The following GABRB1 variants were observed in gnomAD, a reference collection of about 807,000 sequenced individuals.
The protein encoded by GABRB1 is gamma-aminobutyric acid type A receptor subunit beta1.
GABRB1 carries 17 observed loss-of-function variants against 51.6 expected under a neutral mutation model. The ratio of observed to expected loss-of-function variants is 0.33; its 90% CI spans 0.23 to 0.49. The LOEUF is 0.49. GABRB1 is among the 20% of genes least tolerant of loss of function. The pLI is 0.99. For missense variants in GABRB1, 410 were observed against 600.6 expected (o/e 0.68, Z 3.32); for synonymous variants, 247 against 218.9 (o/e 1.13, Z -1.14).
intron 4 of GABRB1, among the ~76,000 whole-genome samples, chr4:47,197,571 T>C (rs145646881): frequency 1.5e-3 from 225 of 152,338 alleles, no homozygotes; most frequent in African/African-American, 5.1e-3. Flanking sequence ...AAGCAGCTTC[T>C]GGATTCATAA....
chr4:47,128,416 C>A (rs1335109456), intron 3 of GABRB1, among the ~76,000 whole-genome samples: 1 of 151,718 alleles, frequency 6.6e-6, no homozygotes, highest in Admixed American at 6.6e-5. Flanking sequence ...AAAACCTCTA[C>A]CTAGATTCAT....
chr4:47,371,085 T>TCCCCCCCCCCCCCCCCCCC (rs59604624), intron 5 of GABRB1, among the ~76,000 whole-genome samples: 1 of 129,632 alleles, frequency 7.7e-6, no homozygotes, highest in Non-Finnish European at 1.6e-5. Flanking sequence ...ATGCTCTCCC[T>TCCCCCCCCCCCCCCCCCCC]CCCCCACCCC....
At chr4:47,065,753 G>A (rs1257688075) in intron 3 of GABRB1, among the ~76,000 whole-genome samples, 4 of 152,094 alleles carry the variant, frequency 2.6e-5, no homozygotes, top group Admixed American at 2.0e-4. Context: ...TAAAAAAATA[G>A]GGATGAAAGG....
chr4:47,093,851 T>A (rs960254556), intron 3 of GABRB1, among the ~76,000 whole-genome samples: 2 of 152,210 alleles, frequency 1.3e-5, no homozygotes, highest in Non-Finnish European at 2.9e-5. Context: ...ATCCGAAAAT[T>A]CCCTATTGGT....
At chr4:47,008,759 G>A (rs1453492217) in intron 1 of GABRB1, among the ~76,000 whole-genome samples, 2 of 148,066 alleles carry the variant, frequency 1.4e-5, no homozygotes, top group South Asian at 2.1e-4. Context: ...GATTACAGGC[G>A]TGAGCCACTG....
At chr4:47,084,046 T>A (rs529891664) in intron 3 of GABRB1, among the ~76,000 whole-genome samples, 26 of 152,202 alleles carry the variant, frequency 1.7e-4, no homozygotes, top group African/African-American at 5.8e-4. Context: ...TTCCCTGAAA[T>A]TAAAACTGAT....
chr4:47,007,115 G>A (rs1286338058), intron 1 of GABRB1, among the ~76,000 whole-genome samples: 1 of 149,848 alleles, frequency 6.7e-6, no homozygotes, highest in African/African-American at 2.5e-5. Context: ...ACTCCAGTCT[G>A]AGTGACAGAG....
At chr4:47,095,574 G>A (rs1436322350) in intron 3 of GABRB1, among the ~76,000 whole-genome samples, 1 of 152,154 alleles carries the variant, frequency 6.6e-6, no homozygotes, top group African/African-American at 2.4e-5. Context: ...AACACTAGGG[G>A]CACTTATGAC....
chr4:47,036,155 C>A (rs576986361), intron 3 of GABRB1, among the ~76,000 whole-genome samples: 32 of 152,010 alleles, frequency 2.1e-4, no homozygotes, highest in Non-Finnish European at 3.8e-4. Flanking sequence ...CAGTGAACAA[C>A]GATGACAAAA....
At chr4:47,307,528 G>A (rs147062898) in intron 4 of GABRB1, among the ~76,000 whole-genome samples, 38 of 151,926 alleles carry the variant, frequency 2.5e-4, no homozygotes, top group African/African-American at 9.2e-4. Flanking sequence ...AGCAACACAG[G>A]CCTTATTTTA....
At chr4:47,034,918 C>T (rs1037532127) in intron 3 of GABRB1, among the ~76,000 whole-genome samples, 6 of 151,944 alleles carry the variant, frequency 3.9e-5, no homozygotes, top group African/African-American at 7.2e-5. Flanking sequence ...AAGCATGTTT[C>T]GGTGCCCTGA....
Position 47,167,407 on chromosome 4 carries a change from GA to G in GABRB1, c.461+5948del, listed in dbSNP as rs545206732. Reference sequence around the variant, plus strand: ...ATTTAGTGGAGCATTTAACCTCCTTGAAAAAAAAAATGCCTTTTTAAATTTT... The same window carrying G: ...ATTTAGTGGAGCATTTAACCTCCTTGAAAAAAAAATGCCTTTTTAAATTTT... On this transcript the variant is annotated intron_variant, in intron 4 of 8. Coordinates refer to ENST00000295454, the MANE Select transcript of GABRB1 (RefSeq NM_000812.4). Among the ~76,000 whole-genome samples, 1,098 of 136,720 alleles carry G rather than the reference GA, an allele frequency of 8.0e-3. 5 individuals carry two copies. The highest frequency in any genetic ancestry group is 9.5e-3 in the Non-Finnish European group (559 of 59,040). 89.7% of individuals were successfully genotyped at this position (136,720 alleles called of 152,430 possible).
chr4:47,172,297 A>T (rs1181208653), intron 4 of GABRB1, among the ~76,000 whole-genome samples: 1 of 152,194 alleles, frequency 6.6e-6, no homozygotes, highest in Non-Finnish European at 1.5e-5. Flanking sequence ...CAATCTAAGT[A>T]ATCTGATTGA....
chr4:47,331,974 T>C (rs1725501216), intron 5 of GABRB1, among the ~76,000 whole-genome samples: 1 of 152,132 alleles, frequency 6.6e-6, no homozygotes, highest in Non-Finnish European at 1.5e-5. Context: ...TCACAAAACC[T>C]TTTTCTCTGG....
intron 5 of GABRB1, among the ~76,000 whole-genome samples, chr4:47,324,541 T>G (rs1458379207): frequency 1.3e-5 from 2 of 152,208 alleles, no homozygotes; most frequent in South Asian, 2.1e-4. Flanking sequence ...CTATATCTGT[T>G]GTCTATTGCC....
chr4:47,350,773 T>C (rs1439174264), intron 5 of GABRB1, among the ~76,000 whole-genome samples: 1 of 152,036 alleles, frequency 6.6e-6, no homozygotes, highest in Non-Finnish European at 1.5e-5. Flanking sequence ...TGCAAACAAA[T>C]CAACTCTGGA....
At chr4:47,262,124 T>C (rs1174629100) in intron 4 of GABRB1, among the ~76,000 whole-genome samples, 1 of 151,382 alleles carries the variant, frequency 6.6e-6, no homozygotes, top group African/African-American at 2.4e-5. Flanking sequence ...ATTCAGGACA[T>C]AGGCATGGGC....
chr4:47,024,160 A>C (rs1725014987), intron 1 of GABRB1, among the ~76,000 whole-genome samples: 1 of 151,658 alleles, frequency 6.6e-6, no homozygotes, highest in South Asian at 2.1e-4. Context: ...CTTTCCTAGT[A>C]GTTTGTTCTT....
intron 5 of GABRB1, among the ~76,000 whole-genome samples, chr4:47,362,833 G>A (rs1304794846): frequency 6.6e-6 from 1 of 152,114 alleles, no homozygotes; most frequent in African/African-American, 2.4e-5. Flanking sequence ...GTTAGATTTT[G>A]AGAATACAAA....
Sources: gnomAD v4.1 joint callset for allele counts (sites outside exome capture counted in the v4.1 genomes callset) on GRCh38, gnomAD v4.1.1 for gene constraint, MANE v1.5 for transcripts, NCBI Gene and HGNC (gene_info 2026-07-23, HGNC 2026-07-21) for gene names.